OTOP1: variants seen among roughly 807,000 people sequenced by gnomAD.
The protein encoded by OTOP1 is proton channel OTOP1.
Under a neutral mutation model 52.9 loss-of-function variants are expected in OTOP1, and 59 were observed. That is an observed-to-expected ratio of 1.12 (90% CI 0.91 to 1.39). OTOP1 has a LOEUF of 1.39. OTOP1 is among the 40% of genes most tolerant of loss of function. The probability of loss-of-function intolerance (pLI) is 0.00; values close to 1 mark genes in which losing one functional copy is unlikely to be tolerated. For missense variants in OTOP1, 761 were observed against 800.9 expected (o/e 0.95, Z 0.60); for synonymous variants, 317 against 337.7 (o/e 0.94, Z 0.67).
intron 1 of OTOP1, among the ~76,000 whole-genome samples, chr4:4,220,394 A>G (rs73191859): frequency 0.062 from 9,463 of 152,182 alleles, 514 homozygotes; most frequent in East Asian, 0.25. Context: ...AGAGTATACA[A>G]TGTTGGATGT....
intron 4 of OTOP1, among the ~76,000 whole-genome samples, 181 bp downstream of exon 4, chr4:4,202,267 A>G (rs930215458): frequency 6.6e-6 from 1 of 152,102 alleles, no homozygotes; most frequent in Admixed American, 6.5e-5. Context: ...AGTACACATC[A>G]CTTATGAGAG....
intron 5 of OTOP1, among the ~76,000 whole-genome samples, chr4:4,190,484 A>C (rs191628253): frequency 6.6e-6 from 1 of 152,226 alleles, no homozygotes; most frequent in Non-Finnish European, 1.5e-5. Context: ...AAAAATAAAA[A>C]TAAATAAATT....
rs201893878 is a variant in OTOP1, at chr4:4,197,821, C to T, written c.1013G>A (p.Arg338His). ...VVVVYLIHIG[R>H]SKTKSESALI... ...TGCCGACTCGCTCTTGGTCTTGGAGCGCCCAATATGAATCAGGTATACCAC... is the reference window on the plus strand; with the variant it reads ...TGCCGACTCGCTCTTGGTCTTGGAGTGCCCAATATGAATCAGGTATACCAC... Residue 338 changes from arginine (R) to histidine (H), a missense_variant, in exon 5 of 6, where the codon CGC becomes CAC. By Grantham distance (29) the Arg-to-His change is conservative. Transcript: ENST00000296358. The T allele has an allele frequency of 1.5e-4, 238 of 1,613,882 alleles. No individual in the cohort carries two copies. The highest frequency in any genetic ancestry group is 1.8e-4 in the Non-Finnish European group (207 of 1,180,008).
chr4:4,194,770 A>C (rs1442297939), intron 5 of OTOP1, among the ~76,000 whole-genome samples: 2 of 151,714 alleles, frequency 1.3e-5, no homozygotes, highest in Non-Finnish European at 2.9e-5. Flanking sequence ...GGACTGGGGC[A>C]CTCCCCTCCA....
chr4:4,198,147 G>T, intron 4 of OTOP1, 44 bp from the exon 5 acceptor site: 2 of 1,517,330 alleles, frequency 1.3e-6, no homozygotes, highest in Non-Finnish European at 1.8e-6. Flanking sequence ...ATTAGCAGGT[G>T]CAAGGGGGAA....
chr4:4,194,802 A>C (rs1716586206), intron 5 of OTOP1, among the ~76,000 whole-genome samples: 1 of 152,176 alleles, frequency 6.6e-6, no homozygotes, highest in African/African-American at 2.4e-5. Flanking sequence ...CCATCACTGC[A>C]GAGACTCATG....
chr4:4,199,372 G>T (rs189582430), intron 4 of OTOP1, among the ~76,000 whole-genome samples: 1 of 151,726 alleles, frequency 6.6e-6, no homozygotes, highest in Admixed American at 6.6e-5. Flanking sequence ...TTATAATTAA[G>T]ATGTGCTTTA....
intron 2 of OTOP1, 53 bp from the exon 3 acceptor site, chr4:4,206,183 A>T (rs755284641): frequency 7.9e-6 from 11 of 1,399,280 alleles, no homozygotes; most frequent in South Asian, 1.2e-5. Context: ...TCATCTTTAC[A>T]CTTGCAAACT....
In OTOP1 at chr4:4,199,560, G is replaced by A. The variant is rs369437897; in HGVS notation, c.731-1457C>T. ...GCTGAGTAGCTGGGACCACAGGCCC[G>A]TGCCACCACGCCCGGCTAATTTTTA... On this transcript the variant is annotated intron_variant, in intron 4 of 5. Transcript: ENST00000296358. Among the ~76,000 whole-genome samples, 7 of 152,052 alleles carry A rather than the reference G, an allele frequency of 4.6e-5. No homozygotes were observed. The East Asian group carries it at 9.7e-4, about 21-fold the overall frequency.
Position 4,197,679 on chromosome 4 carries a change from C to A in OTOP1, c.1155G>T (p.Pro385=). The A allele has an allele frequency of 6.2e-7, 1 of 1,613,580 alleles. No individual in the cohort carries two copies. The highest frequency in any genetic ancestry group is 8.5e-7 in the Non-Finnish European group (1 of 1,179,970). ...DEKSLDESKN[P]ARKLDSDLLV... ...AGAGGTCCGAGTCCAGTTTGCGGGC[C>A]GGATTTTTGGACTCATCCAGTGACT... The change falls in exon 5 of 6, where the codon CCG becomes CCT. Residue 385 remains proline, a synonymous_variant. Coordinates refer to ENST00000296358, the MANE Select transcript of OTOP1 (RefSeq NM_177998.3).
chr4:4,191,293 G>A (rs1357890153), intron 5 of OTOP1, among the ~76,000 whole-genome samples: 2 of 152,038 alleles, frequency 1.3e-5, no homozygotes, highest in African/African-American at 2.4e-5. Flanking sequence ...GGACCATGGC[G>A]GTGGCCCCCT....
intron 3 of OTOP1, among the ~76,000 whole-genome samples, chr4:4,203,032 C>A (rs532083802): frequency 1.3e-4 from 20 of 152,380 alleles, no homozygotes; most frequent in African/African-American, 4.6e-4. Flanking sequence ...CCCCAACCAT[C>A]ATCCACACCC....
intron 2 of OTOP1, among the ~76,000 whole-genome samples, chr4:4,206,519 C>G (rs912449850): frequency 6.6e-6 from 1 of 152,206 alleles, no homozygotes; most frequent in Non-Finnish European, 1.5e-5. Flanking sequence ...TACAGTTACT[C>G]CATGCCAGTG....
chr4:4,217,918 A>G lies in OTOP1; in HGVS notation c.404-4914T>C, dbSNP rs578111561. Reference sequence around the variant, plus strand: ...TTTGTGGAAAGCTGGAGGAGGGTGGAGGTATAATGGATGGAGAGACAGATG... The same window carrying G: ...TTTGTGGAAAGCTGGAGGAGGGTGGGGGTATAATGGATGGAGAGACAGATG... On this transcript the variant is annotated intron_variant, in intron 1 of 5. Coordinates refer to ENST00000296358, the MANE Select transcript of OTOP1 (RefSeq NM_177998.3). Among the ~76,000 whole-genome samples, 22 of 152,300 alleles carry G rather than the reference A, an allele frequency of 1.4e-4. 1 individual carries two copies. Among genetic ancestry groups the G allele is most frequent in the Admixed American group, 1.3e-3 (20 of 15,278 alleles).
At position 4,219,959 on chromosome 4, in the gene OTOP1, A is replaced by AGG. The variant is rs1265662112; in HGVS notation, c.403+6502_403+6503insCC. On this transcript the variant is annotated intron_variant, in intron 1 of 5. Transcript: ENST00000296358. ...CATATATACACATATATACGTATAC[A>AGG]TGTATACATATATACACATATATAC... Among the ~76,000 whole-genome samples the AGG allele has an allele frequency of 5.0e-4, 73 of 145,412 alleles. 1 individual carries two copies. Among genetic ancestry groups the AGG allele is most frequent in the African/African-American group, 1.7e-3 (69 of 39,550 alleles).
intron 1 of OTOP1, among the ~76,000 whole-genome samples, chr4:4,219,047 T>A (rs1196412095): frequency 6.6e-6 from 1 of 150,386 alleles, no homozygotes; most frequent in East Asian, 1.9e-4. Flanking sequence ...AAGGCAAACA[T>A]GTGGAAAAGG....
intron 1 of OTOP1, among the ~76,000 whole-genome samples, chr4:4,215,436 T>C (rs888255846): frequency 3.3e-5 from 5 of 151,804 alleles, no homozygotes; most frequent in African/African-American, 1.2e-4. Flanking sequence ...CTGAGGCGGG[T>C]GGATCACCTG....
At chr4:4,219,190 G>A (rs1717215708) in intron 1 of OTOP1, among the ~76,000 whole-genome samples, 1 of 152,086 alleles carries the variant, frequency 6.6e-6, no homozygotes, top group African/African-American at 2.4e-5. Flanking sequence ...TAGTAAGCAA[G>A]AATAGGAAGA....
chr4:4,210,197 A>G (rs1208593818), intron 2 of OTOP1, among the ~76,000 whole-genome samples: 1 of 151,946 alleles, frequency 6.6e-6, no homozygotes, highest in East Asian at 1.9e-4. Flanking sequence ...GAACTGCAAG[A>G]AAAATGAATG....
Sources: gnomAD v4.1 joint callset for allele counts (sites outside exome capture counted in the v4.1 genomes callset) on GRCh38, gnomAD v4.1.1 for gene constraint, MANE v1.5 for transcripts, NCBI Gene and HGNC (gene_info 2026-07-23, HGNC 2026-07-21) for gene names.